The following CES1 variants were observed in gnomAD, a reference collection of about 807,000 sequenced individuals.
CES1 encodes carboxylesterase 1.
In CES1, 50 loss-of-function variants were observed where a neutral mutation model predicts 53.0. The ratio of observed to expected loss-of-function variants is 0.94; its 90% CI spans 0.75 to 1.19. The LOEUF is 1.19. Ranked by LOEUF, CES1 falls within the 50% of genes most tolerant of loss-of-function variation. The probability of loss-of-function intolerance (pLI) is 0.00; values close to 1 mark genes in which losing one functional copy is unlikely to be tolerated. For synonymous variants in CES1, 202 were observed against 210.1 expected (o/e 0.96, Z 0.33); for missense variants, 534 against 538.0 (o/e 0.99, Z 0.07).
At chr16:55,826,383 A>G (rs2032420696) in intron 2 of CES1, 88 bp from the exon 3 acceptor site, 10 of 1,506,556 alleles carry the variant, frequency 6.6e-6, no homozygotes, top group Non-Finnish European at 8.3e-6. Context: ...GGGAGGTTTA[A>G]GCCTGGAAAT....
chr16:55,815,555 T>C (rs1431995145), intron 8 of CES1, among the ~76,000 whole-genome samples: 8 of 152,218 alleles, frequency 5.3e-5, no homozygotes, highest in African/African-American at 1.9e-4. Flanking sequence ...AACCTTGTTG[T>C]GTCAGAAAAC....
At chr16:55,817,038 A>T in intron 7 of CES1, 76 bp from the exon 8 acceptor site, 1 of 1,488,076 alleles carries the variant, frequency 6.7e-7, no homozygotes, top group Non-Finnish European at 9.4e-7. Context: ...GGGGCAACAG[A>T]GGTGTCAGGT....
chr16:55,820,668 G>T (rs1485950628), intron 5 of CES1, among the ~76,000 whole-genome samples, 189 bp from the exon 6 acceptor site: 1 of 152,102 alleles, frequency 6.6e-6, no homozygotes, highest in Non-Finnish European at 1.5e-5. Flanking sequence ...TCTCATCTGG[G>T]TTTTCATCCC....
intron 9 of CES1, among the ~76,000 whole-genome samples, chr16:55,812,596 C>G (rs753336498): frequency 2.6e-5 from 4 of 152,174 alleles, no homozygotes; most frequent in African/African-American, 4.8e-5. Flanking sequence ...CTTCCCCCTT[C>G]TAGGCCCCCT....
intron 1 of CES1, among the ~76,000 whole-genome samples, chr16:55,830,807 A>C (rs532407761): frequency 1.0e-4 from 15 of 145,224 alleles, no homozygotes; most frequent in East Asian, 4.2e-4. Context: ...GGAAGGAAGG[A>C]AGGAAGGAAG....
rs139540470 is a variant in CES1, at chr16:55,810,575, G to A, written c.1260C>T (p.Asp420=). 8.7e-6 allele frequency: 14 copies of A among 1,614,046 alleles called. No homozygotes were observed. The highest frequency in any genetic ancestry group is 1.2e-5 in the Non-Finnish European group (14 of 1,180,032). Residue 420 remains aspartate, a synonymous_variant, in exon 11 of 14, where the codon GAC becomes GAT. Coordinates refer to ENST00000360526, the MANE Select transcript of CES1 (RefSeq NM_001025195.2). ...CACCAAACATCACATCTGCTATCAA[G>A]TCCAGGAACAGGTCTTTCTTTTTGA... ...DTVKKKDLFL[D]LIADVMFGVP...
At chr16:55,815,016 C>T (rs2031877340) in intron 8 of CES1, among the ~76,000 whole-genome samples, 1 of 152,254 alleles carries the variant, frequency 6.6e-6, no homozygotes, top group Non-Finnish European at 1.5e-5. Context: ...GGAAGAGACG[C>T]CGCCTGCCTG....
chr16:55,813,897 T>C (rs184737504), intron 8 of CES1, among the ~76,000 whole-genome samples: 1 of 152,240 alleles, frequency 6.6e-6, no homozygotes, highest in East Asian at 1.9e-4. Context: ...AAGAGAGAGG[T>C]TGCCTCGCCG....
rs373053932 is a variant in CES1, at chr16:55,810,674, A to G, written c.1171-10T>C. On this transcript the variant is annotated splice_polypyrimidine_tract_variant and intron_variant, in intron 10 of 13. Coordinates refer to ENST00000360526, the MANE Select transcript of CES1 (RefSeq NM_001025195.2). The stretch of plus-strand genomic sequence containing the variant: ...GTTCCTTAGCAATGCACTGAAATAG[A>G]TCAAAAAGTGACCACCAGCCCCGGG... The G allele has an allele frequency of 9.9e-6, 16 of 1,613,978 alleles. No homozygotes were observed. The highest frequency in any genetic ancestry group is 2.7e-5 in the African/African-American group (2 of 74,906).
At chr16:55,817,901 C>T (rs1370329016) in intron 7 of CES1, among the ~76,000 whole-genome samples, 4 of 152,190 alleles carry the variant, frequency 2.6e-5, no homozygotes, top group African/African-American at 9.7e-5. Flanking sequence ...AAAGACTCAA[C>T]TCTTCCCTTT....
chr16:55,815,745 A>G (rs1335726340), intron 8 of CES1, among the ~76,000 whole-genome samples: 1 of 152,080 alleles, frequency 6.6e-6, no homozygotes, highest in Non-Finnish European at 1.5e-5. Context: ...GTGGCTGCCC[A>G]GCTGGTCAAC....
At chr16:55,828,028 G>A (rs1482498042) in intron 2 of CES1, 1 of 152,566 alleles carries the variant, frequency 6.6e-6, no homozygotes, top group Non-Finnish European at 1.5e-5. Flanking sequence ...AATAAAAACA[G>A]TAAACATTAT....
chr16:55,825,327 G>A (rs1411729954), intron 3 of CES1, among the ~76,000 whole-genome samples: 1 of 152,154 alleles, frequency 6.6e-6, no homozygotes, highest in Non-Finnish European at 1.5e-5. Flanking sequence ...GGTGCCCCTG[G>A]GAGACTGGCT....
At chr16:55,830,330 G>A (rs186931489) in intron 1 of CES1, among the ~76,000 whole-genome samples, 152 of 152,196 alleles carry the variant, frequency 1.0e-3, no homozygotes, top group African/African-American at 3.4e-3. Flanking sequence ...CATGTTTATC[G>A]ACATAGCAAT....
At chr16:55,808,763 G>A (rs1160271103) in intron 11 of CES1, among the ~76,000 whole-genome samples, 1 of 152,104 alleles carries the variant, frequency 6.6e-6, no homozygotes, top group Non-Finnish European at 1.5e-5. Context: ...ATTTAACACA[G>A]CCATTTCATG....
At chr16:55,825,808 T>C (rs1336869105) in intron 3 of CES1, among the ~76,000 whole-genome samples, 5 of 152,248 alleles carry the variant, frequency 3.3e-5, no homozygotes, top group African/African-American at 7.2e-5. Flanking sequence ...TCTAAGTTCT[T>C]TCCACCACTA....
At chr16:55,817,404 C>G (rs367914065) in intron 7 of CES1, among the ~76,000 whole-genome samples, 1 of 152,196 alleles carries the variant, frequency 6.6e-6, no homozygotes, top group Non-Finnish European at 1.5e-5. Context: ...GTTTACACGA[C>G]GATGCTATTG....
chr16:55,808,259 C>T (rs560269321), intron 11 of CES1, among the ~76,000 whole-genome samples: 149 of 147,912 alleles, frequency 1.0e-3, no homozygotes, highest in African/African-American at 3.6e-3. Flanking sequence ...CTGCCCAAAA[C>T]GTACTTTGTA....
At chr16:55,825,590 C>G (rs1408097317) in intron 3 of CES1, among the ~76,000 whole-genome samples, 1 of 152,228 alleles carries the variant, frequency 6.6e-6, no homozygotes, top group Non-Finnish European at 1.5e-5. Flanking sequence ...CCCCAACATC[C>G]GTACCTGGAC....
Sources: allele counts gnomAD v4.1 joint callset (sites outside exome capture counted in the v4.1 genomes callset), GRCh38; gene constraint gnomAD v4.1.1; transcripts MANE v1.5; gene names NCBI Gene and HGNC (gene_info 2026-07-23, HGNC 2026-07-21).